B9D1: variants seen among roughly 807,000 people sequenced by gnomAD.
The protein encoded by B9D1 is B9 domain containing 1.
A neutral mutation model predicts 26.1 loss-of-function variants in B9D1; 20 were observed. That is an observed-to-expected ratio of 0.77 (90% CI 0.54 to 1.12). The LOEUF (loss-of-function observed/expected upper bound fraction) is 1.12, where lower values mean the gene tolerates loss of function less well. B9D1 is among the 50% of genes most tolerant of loss of function. The probability of loss-of-function intolerance (pLI) is 0.00; values close to 1 mark genes in which losing one functional copy is unlikely to be tolerated. For missense variants in B9D1, 260 were observed against 273.7 expected, an observed-to-expected ratio of 0.95 and a Z score of 0.35; for synonymous variants, 105 against 103.1, an observed-to-expected ratio of 1.02 and a Z score of -0.11.
At chr17:19,353,034 GACGCGATCT>G (rs1441560386) in intron 3 of B9D1, among the ~76,000 whole-genome samples, 9 of 151,180 alleles carry the variant, frequency 6.0e-5, no homozygotes, top group African/African-American at 1.9e-4. Context: ...GGAGTGTAGT[GACGCGATCT>G]CAGCTCACTG....
At chr17:19,374,113 T>C (rs1365021573) in intron 1 of B9D1, among the ~76,000 whole-genome samples, 1 of 152,228 alleles carries the variant, frequency 6.6e-6, no homozygotes, top group East Asian at 1.9e-4. Flanking sequence ...GGTCTTTCTT[T>C]TCCTGAAACA....
upstream of B9D1, chr17:19,364,647 G>T (rs144072004): frequency 6.6e-6 from 1 of 152,392 alleles, no homozygotes; most frequent in African/African-American, 2.4e-5. The surrounding 1 kb of genome is among the most constrained non-coding windows in gnomAD (Gnocchi z 4.3). Flanking sequence ...ACATCCAGCC[G>T]ATCTGCACCA....
At chr17:19,343,729 A>G (rs1908293921) in intron 6 of B9D1, 61 bp downstream of exon 6, 1 of 1,612,884 alleles carries the variant, frequency 6.2e-7, no homozygotes, top group Non-Finnish European at 8.5e-7. Flanking sequence ...CCCTGGGCCC[A>G]CCCACTCCCA....
At chr17:19,377,718 G>C in intron 1 of B9D1, 2 of 463,566 alleles carry the variant, frequency 4.3e-6, no homozygotes, top group Non-Finnish European at 5.7e-6. Context: ...GGGGTGGGTC[G>C]GGACAGCTCG....
intron 5 of B9D1, chr17:19,344,360 C>T (rs920163196): frequency 7.9e-5 from 19 of 240,544 alleles, no homozygotes; most frequent in African/African-American, 3.7e-4. Context: ...AGTGTGGGGT[C>T]CAGGACATGT....
At chr17:19,361,897 G>T (rs1197669712) in intron 1 of B9D1, among the ~76,000 whole-genome samples, 3 of 152,222 alleles carry the variant, frequency 2.0e-5, no homozygotes, top group African/African-American at 7.2e-5. Flanking sequence ...TGCCTATCTG[G>T]TAAGGCTGTA....
At position 19,370,894 on chromosome 17, in the gene B9D1, G is replaced by C. The variant is rs1911861288; in HGVS notation, c.-298+6965C>G. 6.6e-6 allele frequency among the ~76,000 whole-genome samples: 1 copy of C among 152,208 alleles called. No individual in the cohort carries two copies. The highest frequency in any genetic ancestry group is 6.5e-5 in the Admixed American group (1 of 15,286). Reference sequence around the variant, plus strand: ...GCCACACTGAGCTGAGCCAAGGCAGGGGTCAATTCTGAAGGCCTGGATCCT... The same window carrying C: ...GCCACACTGAGCTGAGCCAAGGCAGCGGTCAATTCTGAAGGCCTGGATCCT... On this transcript the variant is annotated intron_variant, in intron 1 of 5. Coordinates refer to the B9D1 transcript ENST00000477478. The surrounding 1 kb of genome is among the most constrained non-coding windows in gnomAD (Gnocchi z 5.1).
intron 1 of B9D1, 63 bp from the exon 2 acceptor site, chr17:19,360,451 G>A: frequency 1.4e-6 from 2 of 1,454,892 alleles, no homozygotes; most frequent in Admixed American, 1.7e-5. Flanking sequence ...GCATTTGCTA[G>A]GCAGGTGCAG....
chr17:19,360,416 G>T, intron 1 of B9D1, 28 bp from the exon 2 acceptor site: 3 of 1,604,122 alleles, frequency 1.9e-6, no homozygotes, highest in South Asian at 2.2e-5. Context: ...AGATTCTGTC[G>T]ACTGGTATTC....
At chr17:19,365,733 C>T (rs1911557161), upstream of B9D1, among the ~76,000 whole-genome samples, 1 of 152,156 alleles carries the variant, frequency 6.6e-6, no homozygotes, top group Non-Finnish European at 1.5e-5. The surrounding 1 kb of genome is among the most constrained non-coding windows in gnomAD (Gnocchi z 5.0). Context: ...CTATGTGACT[C>T]AGGGAAAGTC....
intron 3 of B9D1, among the ~76,000 whole-genome samples, chr17:19,352,947 C>T (rs1459066364): frequency 6.6e-6 from 1 of 150,590 alleles, no homozygotes; most frequent in Non-Finnish European, 1.5e-5. Context: ...GGATTACAGG[C>T]GTGAGCCACC....
chr17:19,340,670 T>G (rs1013161212), downstream of B9D1, among the ~76,000 whole-genome samples: 27 of 151,168 alleles, frequency 1.8e-4, no homozygotes, highest in African/African-American at 6.1e-4. Context: ...TGCCTGTAAT[T>G]TTAAGCTACT....
At position 19,362,524 on chromosome 17, in the gene B9D1, G is replaced by A; in HGVS notation, c.46C>T (p.Gln16Ter). The A allele has an allele frequency of 6.3e-7, 1 of 1,579,788 alleles. No individual in the cohort carries two copies. Among genetic ancestry groups the A allele is most frequent in the Non-Finnish European group, 8.6e-7 (1 of 1,163,092 alleles). Residue 16 changes from glutamine to a stop codon, truncating the protein, a stop_gained, in exon 1 of 7, where the codon CAG becomes TAG. Transcript: ENST00000261499. LOFTEE classifies it high-confidence loss of function. Reference sequence around the variant, plus strand: ...CCGCTCACCTGGGCGCTCTCCACCTGCCCGTTGACCATGAGTAGAAAGACG... The same window carrying A: ...CCGCTCACCTGGGCGCTCTCCACCTACCCGTTGACCATGAGTAGAAAGACG... ...PSVFLLMVNGQVESAQFPEYD... is the reference protein window; with the variant it reads ...PSVFLLMVNG
At chr17:19,362,202 A>C (rs907812520) in intron 1 of B9D1, among the ~76,000 whole-genome samples, 3 of 152,224 alleles carry the variant, frequency 2.0e-5, no homozygotes, top group Non-Finnish European at 4.4e-5. Flanking sequence ...CGTTAACCCC[A>C]GGAGGCTCCT....
chr17:19,376,884 G>T, intron 1 of B9D1, among the ~76,000 whole-genome samples: 1 of 152,026 alleles, frequency 6.6e-6, no homozygotes, highest in East Asian at 1.9e-4. Flanking sequence ...TCATAACCCA[G>T]ATATTCCTTT....
intron 3 of B9D1, chr17:19,357,447 T>C: frequency 3.1e-6 from 1 of 321,520 alleles, no homozygotes; most frequent in Non-Finnish European, 6.1e-6. Context: ...GTTGAGGGAC[T>C]AGCACAGGAG....
intron 1 of B9D1, among the ~76,000 whole-genome samples, chr17:19,375,956 T>G (rs551296843): frequency 4.2e-4 from 64 of 152,336 alleles, no homozygotes; most frequent in Non-Finnish European, 8.1e-4. Flanking sequence ...AGAAGCATTA[T>G]CATAATAGCC....
chr17:19,360,250 A>G (rs1910870815), intron 2 of B9D1, 70 bp downstream of exon 2: 4 of 1,401,364 alleles, frequency 2.9e-6, no homozygotes, highest in Admixed American at 3.4e-5. Context: ...TGGGGAGGGG[A>G]AGGATATGAC....
At chr17:19,377,672 T>C in intron 1 of B9D1, 1 of 205,600 alleles carries the variant, frequency 4.9e-6, no homozygotes, top group Non-Finnish European at 8.6e-6. Flanking sequence ...CCATAAACAT[T>C]TGCTACATGA....
Sources: gnomAD v4.1 joint callset for allele counts (sites outside exome capture counted in the v4.1 genomes callset) on GRCh38, gnomAD v4.1.1 for gene constraint, Gnocchi (gnomAD v3.1) non-coding constraint, MANE v1.5 for transcripts, NCBI Gene and HGNC (gene_info 2026-07-23, HGNC 2026-07-21) for gene names.